CPEB4: variants seen among roughly 807,000 people sequenced by gnomAD.
The protein encoded by CPEB4 is cytoplasmic polyadenylation element binding protein 4.
CPEB4 carries 12 observed loss-of-function variants against 72.5 expected under a neutral mutation model. The observed-to-expected ratio is 0.17, with a 90% CI of 0.11 to 0.27. The LOEUF (loss-of-function observed/expected upper bound fraction) is 0.27, where lower values mean the gene tolerates loss of function less well. Ranked by LOEUF, CPEB4 falls within the 10% of genes least tolerant of loss-of-function variation. CPEB4 has a pLI of 1.00. For synonymous variants in CPEB4, 302 were observed against 326.3 expected (o/e 0.93, Z 0.80); for missense variants, 614 against 908.5 (o/e 0.68, Z 4.17).
rs905724571 is a variant in CPEB4, at chr5:173,900,719, C to T, written c.1126-9804C>T. Among the ~76,000 whole-genome samples, 4 of 152,024 alleles carry T rather than the reference C, an allele frequency of 2.6e-5. No individual in the cohort carries two copies. The highest frequency in any genetic ancestry group is 7.3e-5 in the African/African-American group (3 of 41,372). ...AATCACTGACTTATTCAGATACAAC[C>T]GATATCTAATTTAAAATGTGAGTTT... On this transcript the variant is annotated intron_variant, in intron 1 of 9. Transcript: ENST00000265085. The surrounding 1 kb of genome is among the most constrained non-coding windows in gnomAD (Gnocchi z 4.4).
At chr5:173,931,257 T>G (rs1302308082) in intron 2 of CPEB4, among the ~76,000 whole-genome samples, 1 of 152,196 alleles carries the variant, frequency 6.6e-6, no homozygotes, top group Non-Finnish European at 1.5e-5. Context: ...GAGTATTTAG[T>G]GGAACTAGCT....
chr5:173,947,480 G>T (rs995197948), intron 5 of CPEB4, among the ~76,000 whole-genome samples: 6 of 152,104 alleles, frequency 3.9e-5, no homozygotes, highest in Middle Eastern at 3.2e-3. Flanking sequence ...AGGCACAAAG[G>T]TAGAAGGTAG....
intron 5 of CPEB4, among the ~76,000 whole-genome samples, chr5:173,946,492 A>C (rs1758018657): frequency 6.6e-6 from 1 of 152,200 alleles, no homozygotes; most frequent in Non-Finnish European, 1.5e-5. Flanking sequence ...GGGAATATTG[A>C]AAATGTACAA....
In CPEB4 at chr5:173,953,531, A is replaced by G. The variant is rs1323333834; in HGVS notation, c.1962+259A>G. The G allele has an allele frequency of 5.2e-5, 21 of 401,048 alleles. No homozygotes were observed. The Middle Eastern group carries it at 3.2e-3, about 61-fold the overall frequency. 24.8% of individuals were successfully genotyped at this position (401,048 alleles called of 1,614,324 possible). ...TCTAACTTCCATTCAATCTCAATCC[A>G]TCCGTCCATTCATTCACTTAGTTTG... On this transcript the variant is annotated intron_variant, in intron 9 of 9. Transcript: ENST00000265085.
intron 2 of CPEB4, among the ~76,000 whole-genome samples, chr5:173,915,389 G>A (rs1006617326): frequency 2.0e-5 from 3 of 152,034 alleles, no homozygotes; most frequent in Non-Finnish European, 4.4e-5. Flanking sequence ...TTTGTGCGGT[G>A]GGGAAAGGGT....
At position 173,890,287 on chromosome 5, in the gene CPEB4, A is replaced by G. The variant is rs1439062189; in HGVS notation, c.554A>G (p.Glu185Gly). ...IAPSSSTIINEDASFFHQGGV... is the reference protein window; with the variant it reads ...IAPSSSTIINGDASFFHQGGV... Reference sequence around the variant, plus strand: ...CCTTCCTCCTCTACAATAATCAATGAAGATGCAAGTTTCTTTCACCAGGGA... The same window carrying G: ...CCTTCCTCCTCTACAATAATCAATGGAGATGCAAGTTTCTTTCACCAGGGA... The change falls in exon 1 of 10, where the codon GAA becomes GGA. Residue 185 changes from glutamate to glycine, a missense_variant. By Grantham distance (98) the Glu-to-Gly change is moderately conservative. Coordinates refer to ENST00000265085, the MANE Select transcript of CPEB4 (RefSeq NM_030627.4). The G allele has an allele frequency of 1.2e-6, 2 of 1,614,080 alleles. No individual in the cohort carries two copies. The highest frequency in any genetic ancestry group is 1.7e-6 in the Non-Finnish European group (2 of 1,179,986).
At position 173,945,424 on chromosome 5, in the gene CPEB4, C is replaced by G. The variant is rs143457350; in HGVS notation, c.1456+284C>G. On this transcript the variant is annotated intron_variant, in intron 5 of 9. Transcript: ENST00000265085. ...TGATTATTGTGGGCATACATGGGTA[C>G]TAACTGCGTTTTTGTCTGTGTGTGC... Among the ~76,000 whole-genome samples the G allele has an allele frequency of 3.9e-3, 598 of 152,338 alleles. 1 individual carries two copies. Among genetic ancestry groups the G allele is most frequent in the African/African-American group, 0.013 (552 of 41,578 alleles).
intron 2 of CPEB4, among the ~76,000 whole-genome samples, chr5:173,911,660 T>G (rs1756663649): frequency 6.8e-6 from 1 of 148,136 alleles, no homozygotes; most frequent in Admixed American, 6.8e-5. Flanking sequence ...TGGATAAAAA[T>G]ATCAGTTTAT....
At chr5:173,938,786 G>T (rs1304498303) in intron 3 of CPEB4, among the ~76,000 whole-genome samples, 1 of 152,140 alleles carries the variant, frequency 6.6e-6, no homozygotes, top group Non-Finnish European at 1.5e-5. Flanking sequence ...GTATGCTTTT[G>T]TATGAAAGTA....
intron 8 of CPEB4, 131 bp downstream of exon 8, chr5:173,952,069 T>A: frequency 1.5e-6 from 1 of 650,028 alleles, no homozygotes; most frequent in Non-Finnish European, 2.8e-6. Flanking sequence ...TATCTGGGTT[T>A]GAATTCATGT....
rs1291915879 is a variant in CPEB4 at position 173,959,177 on chromosome 5, G to GTAGTTC, written c.*3044_*3049dup. On this transcript the variant is annotated 3_prime_UTR_variant, in exon 10 of 10. Transcript: ENST00000265085. Reference sequence around the variant, plus strand: ...GGCATCACTTCAATTCACCAAGCATGTAGTTCTAGCGCACTAGCATGGCGC... The same window carrying GTAGTTC: ...GGCATCACTTCAATTCACCAAGCATGTAGTTCTAGTTCTAGCGCACTAGCATGGCGC... 1 of 152,794 alleles carries GTAGTTC rather than the reference G, an allele frequency of 6.5e-6. No homozygotes were observed. The highest frequency in any genetic ancestry group is 1.5e-5 in the Non-Finnish European group (1 of 68,030). 9.5% of individuals were successfully genotyped at this position (152,794 alleles called of 1,614,324 possible). A position where few individuals can be genotyped will look rare whatever the true frequency, so the allele number is the denominator to read the frequency against.
chr5:173,892,274 A>ATTTTTTTTTTTTT (rs71820084), intron 1 of CPEB4, among the ~76,000 whole-genome samples: 3 of 120,768 alleles, frequency 2.5e-5, no homozygotes, highest in Non-Finnish European at 3.5e-5. Context: ...TCTAAAAACG[A>ATTTTTTTTTTTTT]TTTTTTTTTT....
In CPEB4 at chr5:173,889,785, T is replaced by C. The variant is rs910371433; in HGVS notation, c.52T>C (p.Ser18Pro). 2 of 1,613,890 alleles carry C rather than the reference T, an allele frequency of 1.2e-6. No homozygotes were observed. The highest frequency in any genetic ancestry group is 1.7e-5 in the Admixed American group (1 of 59,978). Residue 18 changes from serine (S) to proline (P), a missense_variant, in exon 1 of 10, where the codon TCT (serine) becomes CCT (proline). Ser to Pro is a moderately conservative substitution (Grantham distance 74). Around this residue, in one of 5 missense-constraint regions of CPEB4, gnomAD observed 7 missense variants for 26.1 expected, o/e 0.27. Transcript: ENST00000265085. Reference sequence around the variant, plus strand: ...AGTGCAAAGCAATACTGGGAATAAATCTGCTTTTCCAGTCAGATTCCATCC... The same window carrying C: ...AGTGCAAAGCAATACTGGGAATAAACCTGCTTTTCCAGTCAGATTCCATCC... The part of the protein sequence containing the change: ...VLVQSNTGNK[S>P]AFPVRFHPHL...
At chr5:173,933,553 T>C (rs1757517164) in intron 3 of CPEB4, among the ~76,000 whole-genome samples, 1 of 152,146 alleles carries the variant, frequency 6.6e-6, no homozygotes, top group East Asian at 1.9e-4. Flanking sequence ...GTGCGAGAAA[T>C]AATACCATAA....
intron 3 of CPEB4, among the ~76,000 whole-genome samples, chr5:173,932,723 T>C (rs1757490555): frequency 6.6e-6 from 1 of 152,232 alleles, no homozygotes; most frequent in Non-Finnish European, 1.5e-5. Context: ...TTGGTGACAA[T>C]GAGAATGAAA....
rs558269518 is a variant in CPEB4, at chr5:173,938,500, A to G, written c.1259-4526A>G. On this transcript the variant is annotated intron_variant, in intron 3 of 9. Transcript: ENST00000265085. Reference sequence around the variant, plus strand: ...CTCAACCTCCCAAAGTGCTGGGGTTATAGGTGTTAGCCACCATGCCTAGCC... The same window carrying G: ...CTCAACCTCCCAAAGTGCTGGGGTTGTAGGTGTTAGCCACCATGCCTAGCC... Among the ~76,000 whole-genome samples, 4 of 151,738 alleles carry G rather than the reference A, an allele frequency of 2.6e-5. No homozygotes were observed. The East Asian group carries it at 5.8e-4, about 22-fold the overall frequency.
chr5:173,891,523 A>G (rs572303291), intron 1 of CPEB4: 67 of 152,332 alleles, frequency 4.4e-4, no homozygotes, highest in African/African-American at 1.5e-3. Context: ...GAAACTGTTC[A>G]TCTCAGAGTG....
rs1186222572 is a variant in CPEB4, at chr5:173,958,976, G to A, written c.*2839G>A. The A allele has an allele frequency of 6.5e-6, 1 of 152,716 alleles. No individual in the cohort carries two copies. Among genetic ancestry groups the A allele is most frequent in the African/African-American group, 2.4e-5 (1 of 41,442 alleles). 9.5% of individuals were successfully genotyped at this position (152,716 alleles called of 1,614,324 possible). On this transcript the variant is annotated 3_prime_UTR_variant, in exon 10 of 10. Coordinates refer to ENST00000265085, the MANE Select transcript of CPEB4 (RefSeq NM_030627.4). ...ATTCTACTAATATTTACTTGTGATT[G>A]TGTGACAAGTGTGTTTACAGATTAT...
intron 2 of CPEB4, among the ~76,000 whole-genome samples, chr5:173,925,386 AT>A (rs781086079): frequency 3.9e-5 from 6 of 152,086 alleles, no homozygotes; most frequent in Non-Finnish European, 7.4e-5. Context: ...CTTCTTTGTG[AT>A]TTTGCATGGG....
Sources: gnomAD v4.1 joint callset for allele counts (sites outside exome capture counted in the v4.1 genomes callset) on GRCh38, gnomAD v4.1.1 for gene constraint, gnomAD v4.1.1 regional missense constraint, Gnocchi (gnomAD v3.1) non-coding constraint, MANE v1.5 for transcripts, NCBI Gene and HGNC (gene_info 2026-07-23, HGNC 2026-07-21) for gene names.